C12orf56: variants seen among roughly 807,000 people sequenced by gnomAD.
C12orf56 encodes the protein uncharacterized protein C12orf56.
Under a neutral mutation model 69.9 loss-of-function variants are expected in C12orf56, and 71 were observed. That is an observed-to-expected ratio of 1.02 (90% CI 0.84 to 1.24). C12orf56 has a LOEUF of 1.24. Among genes scored for constraint, C12orf56 ranks in the 50% most tolerant of loss-of-function variants. The pLI, the probability that C12orf56 is intolerant of heterozygous loss-of-function variation, is 0.00. For synonymous variants in C12orf56, 276 were observed against 274.1 expected (o/e 1.01, Z -0.07); for missense variants, 732 against 738.5 (o/e 0.99, Z 0.10).
intron 2 of C12orf56, among the ~76,000 whole-genome samples, chr12:64,348,471 G>C (rs1249456764): frequency 1.3e-5 from 2 of 152,106 alleles, no homozygotes; most frequent in Non-Finnish European, 2.9e-5. Context: ...AGGTAATCTG[G>C]TATTCTATTT....
At chr12:64,278,273 C>T (rs1275847893) in intron 8 of C12orf56, among the ~76,000 whole-genome samples, 1 of 152,088 alleles carries the variant, frequency 6.6e-6, no homozygotes, top group Non-Finnish European at 1.5e-5. Context: ...CAGTGTATCT[C>T]TGGGACAAAG....
At chr12:64,338,923 A>C (rs2039034307) in intron 2 of C12orf56, 2 of 527,530 alleles carry the variant, frequency 3.8e-6, no homozygotes, top group African/African-American at 3.8e-5. Flanking sequence ...CATTTTTATC[A>C]ATAGAGGTGA....
intron 2 of C12orf56, among the ~76,000 whole-genome samples, chr12:64,338,951 G>C (rs2039034925): frequency 6.6e-6 from 1 of 152,172 alleles, no homozygotes; most frequent in African/African-American, 2.4e-5. Flanking sequence ...ACACTGAGAT[G>C]AATCTGTACA....
intron 6 of C12orf56, among the ~76,000 whole-genome samples, chr12:64,298,073 C>G (rs890827067): frequency 6.6e-6 from 1 of 152,140 alleles, no homozygotes; most frequent in Non-Finnish European, 1.5e-5. Context: ...TTAATGATCA[C>G]CATTCTAACT....
At chr12:64,294,307 A>G (rs555870563) in intron 6 of C12orf56, among the ~76,000 whole-genome samples, 6 of 152,312 alleles carry the variant, frequency 3.9e-5, no homozygotes, top group African/African-American at 1.2e-4. Context: ...TAGAATTACC[A>G]TCTAATCTAG....
intron 2 of C12orf56, among the ~76,000 whole-genome samples, chr12:64,346,503 T>A (rs2039144559): frequency 6.6e-6 from 1 of 152,164 alleles, no homozygotes; most frequent in South Asian, 2.1e-4. Context: ...AAGTTGACAC[T>A]CAGTATTAAT....
intron 1 of C12orf56, among the ~76,000 whole-genome samples, chr12:64,365,982 G>GTATAATATATAGTTTATATTATTATA (rs2039469134): frequency 7.9e-6 from 1 of 126,476 alleles, no homozygotes; most frequent in Admixed American, 8.9e-5. Flanking sequence ...TATATAGCTT[G>GTATAATATATAGTTTATATTATTATA]TATAATATAT....
At chr12:64,307,848 A>AATT (rs1565748086) in intron 5 of C12orf56, among the ~76,000 whole-genome samples, 3 of 151,030 alleles carry the variant, frequency 2.0e-5, no homozygotes, top group Non-Finnish European at 4.4e-5. Context: ...ATAAATAAAT[A>AATT]AATAAATTAA....
chr12:64,282,782 A>G (rs759851116), intron 8 of C12orf56, among the ~76,000 whole-genome samples: 53 of 151,814 alleles, frequency 3.5e-4, no homozygotes, highest in Non-Finnish European at 8.8e-5. Flanking sequence ...AAAAAAAAGA[A>G]AAGAAAAAAA....
chr12:64,389,570 C>G (rs2039839985), intron 1 of C12orf56, among the ~76,000 whole-genome samples: 1 of 152,134 alleles, frequency 6.6e-6, no homozygotes, highest in Non-Finnish European at 1.5e-5. Flanking sequence ...GATCTCGGCT[C>G]ACGGCAACCT....
At chr12:64,354,181 A>C (rs1451013094) in intron 1 of C12orf56, among the ~76,000 whole-genome samples, 1 of 152,214 alleles carries the variant, frequency 6.6e-6, no homozygotes, top group Non-Finnish European at 1.5e-5. Flanking sequence ...ATTCTGGATA[A>C]AAAAGGGAAA....
rs2039859665 is a variant in C12orf56, at chr12:64,390,752, C to T, written c.-187G>A. The T allele has an allele frequency of 1.4e-6, 1 of 698,184 alleles. No homozygotes were observed. The highest frequency in any genetic ancestry group is 2.7e-5 in the South Asian group (1 of 37,362). 43.2% of individuals were successfully genotyped at this position (698,184 alleles called of 1,614,324 possible). ...GTCGGCTTCCCTGGAGCGCCCTCCC[C>T]AGCCCTGTCCAGCCTCTCGATCTTT... On this transcript the variant is annotated 5_prime_UTR_variant, in exon 1 of 13. Coordinates refer to ENST00000543942, the MANE Select transcript of C12orf56 (RefSeq NM_001170633.2).
chr12:64,337,511 T>C (rs371567494), intron 2 of C12orf56, among the ~76,000 whole-genome samples: 11 of 152,278 alleles, frequency 7.2e-5, no homozygotes, highest in African/African-American at 2.6e-4. Context: ...TGAAGGTGCT[T>C]GAGAGACAGC....
At chr12:64,333,312 AGT>A (rs2038954489) in intron 2 of C12orf56, among the ~76,000 whole-genome samples, 1 of 152,124 alleles carries the variant, frequency 6.6e-6, no homozygotes, top group Non-Finnish European at 1.5e-5. Flanking sequence ...TTAGGATGTT[AGT>A]GTTACTTGCA....
At chr12:64,284,582 A>G (rs2038174696) in intron 8 of C12orf56, 82 bp downstream of exon 8, 1 of 988,362 alleles carries the variant, frequency 1.0e-6, no homozygotes, top group Non-Finnish European at 1.5e-6. Flanking sequence ...AAGTTGGAGA[A>G]TTATGTGCTT....
At chr12:64,383,375 TG>T (rs2039746736) in intron 1 of C12orf56, among the ~76,000 whole-genome samples, 2 of 151,634 alleles carry the variant, frequency 1.3e-5, no homozygotes, top group African/African-American at 4.8e-5. Context: ...TGATTACAAA[TG>T]AGAGAACCAA....
chr12:64,363,015 G>C (rs1434057520), intron 1 of C12orf56, among the ~76,000 whole-genome samples: 3 of 152,168 alleles, frequency 2.0e-5, no homozygotes, highest in Non-Finnish European at 4.4e-5. Flanking sequence ...TGTTTTATCA[G>C]CAAGGTCTTT....
At chr12:64,359,230 C>T (rs1391278081) in intron 1 of C12orf56, among the ~76,000 whole-genome samples, 1 of 152,154 alleles carries the variant, frequency 6.6e-6, no homozygotes, top group Admixed American at 6.5e-5. Flanking sequence ...ACACTGAGCT[C>T]ATACTTTTTC....
intron 5 of C12orf56, among the ~76,000 whole-genome samples, chr12:64,309,173 C>T (rs2038573351): frequency 1.3e-5 from 2 of 152,156 alleles, no homozygotes; most frequent in Admixed American, 6.5e-5. Flanking sequence ...TTTAGGTGTA[C>T]AATTCAGTGG....
Sources: gnomAD v4.1 joint callset for allele counts (sites outside exome capture counted in the v4.1 genomes callset) on GRCh38, gnomAD v4.1.1 for gene constraint, MANE v1.5 for transcripts, NCBI Gene and HGNC (gene_info 2026-07-23, HGNC 2026-07-21) for gene names.